Variants in PRKCA observed in about 807,000 individuals in gnomAD.
The protein encoded by PRKCA is protein kinase C alpha, also known as protein kinase C alpha type.
PRKCA carries 27 observed loss-of-function variants against 87.0 expected under a neutral mutation model. That is an observed-to-expected ratio of 0.31 (90% CI 0.23 to 0.43). The LOEUF is 0.43. Ranked by LOEUF, PRKCA falls within the 20% of genes least tolerant of loss-of-function variation. The pLI is 1.00. For synonymous variants in PRKCA, 329 were observed against 311.1 expected (o/e 1.06, Z -0.61); for missense variants, 518 against 852.3 (o/e 0.61, Z 4.88).
intron 2 of PRKCA, among the ~76,000 whole-genome samples, chr17:66,454,607 G>C (rs574573143): frequency 6.6e-6 from 1 of 152,232 alleles, no homozygotes; most frequent in East Asian, 1.9e-4. Context: ...AAGGTGAAAG[G>C]CACATCCACA....
intron 2 of PRKCA, among the ~76,000 whole-genome samples, chr17:66,364,872 T>C (rs954707818): frequency 6.6e-6 from 1 of 152,196 alleles, no homozygotes; most frequent in Admixed American, 6.5e-5. Context: ...ATTTTTTTCT[T>C]CTACGTGAGT....
intron 2 of PRKCA, among the ~76,000 whole-genome samples, chr17:66,324,809 A>G (rs1242448383): frequency 6.6e-6 from 1 of 152,184 alleles, no homozygotes; most frequent in Non-Finnish European, 1.5e-5. Context: ...GCCAGATACT[A>G]TGGCAGATAA....
intron 14 of PRKCA, chr17:66,774,865 T>C (rs1975013026): frequency 1.0e-6 from 1 of 985,418 alleles, no homozygotes; most frequent in Non-Finnish European, 1.2e-6. Flanking sequence ...TTCACTGAAG[T>C]CCAGTGAGGC....
chr17:66,556,228 A>G (rs778208664), intron 3 of PRKCA, among the ~76,000 whole-genome samples: 2 of 152,086 alleles, frequency 1.3e-5, no homozygotes, highest in Non-Finnish European at 2.9e-5. Context: ...CATCATCACC[A>G]AAAACATCTA....
chr17:66,495,465 A>G (rs1322557804), intron 2 of PRKCA, among the ~76,000 whole-genome samples: 1 of 152,216 alleles, frequency 6.6e-6, no homozygotes, highest in Non-Finnish European at 1.5e-5. Context: ...CAACCACGGA[A>G]TACAATGTTT....
chr17:66,696,969 C>T (rs764794868), intron 8 of PRKCA, among the ~76,000 whole-genome samples: 2 of 152,160 alleles, frequency 1.3e-5, no homozygotes, highest in African/African-American at 2.4e-5. Context: ...CTGACTCCGC[C>T]GTAAGCATCT....
chr17:66,554,412 C>A, intron 3 of PRKCA: 1 of 356,110 alleles, frequency 2.8e-6, no homozygotes, highest in South Asian at 1.1e-4. Context: ...CCTCCATTAC[C>A]AATCACGCTA....
At chr17:66,358,873 G>A (rs74340998) in intron 2 of PRKCA, among the ~76,000 whole-genome samples, 3,546 of 151,646 alleles carry the variant, frequency 0.023, 54 homozygotes, top group Non-Finnish European at 0.036. Context: ...CATACGTTGT[G>A]TCACTTTGAG....
At chr17:66,468,382 A>G (rs1481337832) in intron 2 of PRKCA, among the ~76,000 whole-genome samples, 1 of 152,114 alleles carries the variant, frequency 6.6e-6, no homozygotes, top group Non-Finnish European at 1.5e-5. Context: ...TGGCTGTGGG[A>G]GGCACACATT....
chr17:66,408,746 C>T (rs1911569517), intron 2 of PRKCA, among the ~76,000 whole-genome samples: 1 of 152,022 alleles, frequency 6.6e-6, no homozygotes, highest in Non-Finnish European at 1.5e-5. Context: ...GGAAGTATAG[C>T]ACTTTTGATT....
intron 3 of PRKCA, among the ~76,000 whole-genome samples, chr17:66,587,813 A>C (rs542657219): frequency 1.6e-5 from 2 of 125,178 alleles, no homozygotes; most frequent in African/African-American, 5.7e-5. Context: ...ATGTGTGTGT[A>C]TATGTATACA....
At chr17:66,707,499 C>T (rs992751304) in intron 8 of PRKCA, among the ~76,000 whole-genome samples, 2 of 152,188 alleles carry the variant, frequency 1.3e-5, no homozygotes, top group African/African-American at 4.8e-5. Context: ...CCACGAGAAC[C>T]TCCCTTTCTT....
chr17:66,412,329 T>A (rs912017238), intron 2 of PRKCA, among the ~76,000 whole-genome samples: 1 of 152,190 alleles, frequency 6.6e-6, no homozygotes, highest in South Asian at 2.1e-4. Context: ...AGTGCTGGGA[T>A]TACAAGCGTG....
chr17:66,588,350 G>A (rs1233252817), intron 3 of PRKCA, among the ~76,000 whole-genome samples: 9 of 152,034 alleles, frequency 5.9e-5, no homozygotes, highest in Non-Finnish European at 5.9e-5. Flanking sequence ...TCACTGATTG[G>A]TAGAAATTCC....
chr17:66,539,741 G>T (rs1032799754), intron 3 of PRKCA, among the ~76,000 whole-genome samples: 1 of 152,154 alleles, frequency 6.6e-6, no homozygotes, highest in East Asian at 1.9e-4. Context: ...ACTTTTAGAT[G>T]AGAGTTTTAC....
chr17:66,439,042 A>G (rs374426912), intron 2 of PRKCA, among the ~76,000 whole-genome samples: 1 of 152,184 alleles, frequency 6.6e-6, no homozygotes, highest in African/African-American at 2.4e-5. Flanking sequence ...CATTATTGTC[A>G]GCAGTAACTG....
At chr17:66,310,075 G>A (rs1905019233) in intron 2 of PRKCA, among the ~76,000 whole-genome samples, 1 of 152,030 alleles carries the variant, frequency 6.6e-6, no homozygotes, top group South Asian at 2.1e-4. Flanking sequence ...CCCTCCTTAG[G>A]CGGAGCAACA....
chr17:66,596,679 A>G (rs1303402101), intron 3 of PRKCA, among the ~76,000 whole-genome samples: 1 of 95,174 alleles, frequency 1.1e-5, no homozygotes, highest in Non-Finnish European at 2.0e-5. Context: ...CGCTGCACCC[A>G]CTAACGTGTC....
chr17:66,542,036 G>T (rs538520021), intron 3 of PRKCA, among the ~76,000 whole-genome samples: 2 of 152,280 alleles, frequency 1.3e-5, no homozygotes, highest in South Asian at 4.1e-4. Flanking sequence ...CCTGAAGCTC[G>T]TGTTGCGGTT....
Sources: gnomAD v4.1 joint callset for allele counts (sites outside exome capture counted in the v4.1 genomes callset) on GRCh38, gnomAD v4.1.1 for gene constraint, MANE v1.5 for transcripts, NCBI Gene and HGNC (gene_info 2026-07-23, HGNC 2026-07-21) for gene names.